The following PRKDC variants were observed in gnomAD, a reference collection of about 807,000 sequenced individuals.
The protein encoded by PRKDC is protein kinase, DNA-activated, catalytic subunit.
A neutral mutation model predicts 486.9 loss-of-function variants in PRKDC; 82 were observed. The ratio of observed to expected loss-of-function variants is 0.17; its 90% CI spans 0.14 to 0.20. The LOEUF (loss-of-function observed/expected upper bound fraction) is 0.20, where lower values mean the gene tolerates loss of function less well. Ranked by LOEUF, PRKDC falls within the 10% of genes least tolerant of loss-of-function variation. PRKDC has a pLI of 1.00. For synonymous variants in PRKDC, 1,895 were observed against 1,837.0 expected (o/e 1.03, Z -0.81); for missense variants, 4,504 against 5,038.2 (o/e 0.89, Z 3.21).
chr8:47,843,053 T>C (rs2154499978), intron 54 of PRKDC, among the ~76,000 whole-genome samples: 1 of 152,186 alleles, frequency 6.6e-6, no homozygotes, highest in South Asian at 2.1e-4. Context: ...TGGTCCCAGC[T>C]CCTCAGGAGA....
At chr8:47,889,388 AGTCTCT>A (rs1156569378) in intron 32 of PRKDC, among the ~76,000 whole-genome samples, 166 bp from the exon 33 acceptor site, 2 of 152,258 alleles carry the variant, frequency 1.3e-5, no homozygotes, top group African/African-American at 4.8e-5. Context: ...TGGGCTAGAC[AGTCTCT>A]GCTTCAACTC....
At chr8:47,832,575 T>C (rs2087911368) in intron 59 of PRKDC, among the ~76,000 whole-genome samples, 1 of 152,030 alleles carries the variant, frequency 6.6e-6, no homozygotes, top group African/African-American at 2.4e-5. Flanking sequence ...CTGAAACGTG[T>C]CATAACTTAA....
In PRKDC at chr8:47,887,801, T is replaced by C. The variant is rs1391204215; in HGVS notation, c.4414-96A>G. On this transcript the variant is annotated intron_variant, in intron 34 of 85. Transcript: ENST00000314191. The stretch of plus-strand genomic sequence containing the variant: ...CATTAAATAAAAAACCCACTTCAGA[T>C]AGCACTGACAACTACCTTCCAATAT... 7.0e-6 allele frequency: 9 copies of C among 1,291,452 alleles called. No individual in the cohort carries two copies. The East Asian group carries it at 2.3e-4, about 33-fold the overall frequency. The allele number at this position is 1,291,452 out of a possible 1,614,324, so 80.0% of individuals were successfully genotyped here.
chr8:47,773,496 TA>T lies in PRKDC; in HGVS notation c.*676del, dbSNP rs2086555602. The T allele has an allele frequency of 4.5e-6, 1 of 220,050 alleles. No homozygotes were observed. Among genetic ancestry groups the T allele is most frequent in the Non-Finnish European group, 9.1e-6 (1 of 109,876 alleles). 13.6% of individuals were successfully genotyped at this position (220,050 alleles called of 1,614,324 possible). ...TGTATCTTCCAGTTGTAGATTGGAATAGCAAAAGTGAATGCTATGACCAAAA... is the reference window on the plus strand; with the variant it reads ...TGTATCTTCCAGTTGTAGATTGGAATGCAAAAGTGAATGCTATGACCAAAA... On this transcript the variant is annotated 3_prime_UTR_variant, in exon 86 of 86. Coordinates refer to ENST00000314191, the MANE Select transcript of PRKDC (RefSeq NM_006904.7).
At chr8:47,805,501 T>C (rs2087199463) in intron 69 of PRKDC, among the ~76,000 whole-genome samples, 4 of 152,212 alleles carry the variant, frequency 2.6e-5, no homozygotes, top group Admixed American at 2.6e-4. Context: ...TGTTGTTCAG[T>C]TGTGAAGCAT....
intron 57 of PRKDC, 119 bp downstream of exon 57, chr8:47,837,093 C>G: frequency 8.7e-7 from 1 of 1,154,278 alleles, no homozygotes; most frequent in Non-Finnish European, 1.2e-6. Context: ...CCTTCCCTTT[C>G]CTTTTCAGAA....
At chr8:47,931,432 A>T (rs1357790901) in intron 16 of PRKDC, among the ~76,000 whole-genome samples, 1 of 152,124 alleles carries the variant, frequency 6.6e-6, no homozygotes, top group Non-Finnish European at 1.5e-5. Flanking sequence ...GACAGCAATG[A>T]ACACACATGT....
chr8:47,959,134 T>G (rs189349403), intron 1 of PRKDC: 23 of 152,258 alleles, frequency 1.5e-4, no homozygotes, highest in Admixed American at 1.0e-3. Flanking sequence ...GGGCACAACA[T>G]CAAGGTCTGC....
At chr8:47,775,053 A>G (rs1251516902) in intron 85 of PRKDC, among the ~76,000 whole-genome samples, 10 of 152,066 alleles carry the variant, frequency 6.6e-5, no homozygotes, top group Non-Finnish European at 1.5e-4. Flanking sequence ...CAGGCGTGGT[A>G]GCATGAACCT....
Position 47,904,872 on chromosome 8 carries a change from T to C in PRKDC, c.3039A>G (p.Ile1013Met). 6.3e-7 allele frequency: 1 copy of C among 1,581,260 alleles called. No homozygotes were observed. Among genetic ancestry groups the C allele is most frequent in the Non-Finnish European group, 8.7e-7 (1 of 1,151,796 alleles). ...AAAAGAATCAACTATTACTTACCAATATAGCTTCTAGTAAGGCAACAGTAT... is the reference window on the plus strand; with the variant it reads ...AAAAGAATCAACTATTACTTACCAACATAGCTTCTAGTAAGGCAACAGTAT... ...SQDTVALLEAILDGIVDPVDS... is the reference protein window; with the variant it reads ...SQDTVALLEAMLDGIVDPVDS... The change falls in exon 26 of 86, where the codon ATA becomes ATG. Residue 1013 changes from isoleucine (I) to methionine (M), a missense_variant. Coordinates refer to ENST00000314191, the MANE Select transcript of PRKDC (RefSeq NM_006904.7).
chr8:47,868,777 TAAGA>T (rs1563775944), intron 40 of PRKDC, among the ~76,000 whole-genome samples: 1 of 152,074 alleles, frequency 6.6e-6, no homozygotes, highest in Non-Finnish European at 1.5e-5. Context: ...CTGAAGAAAC[TAAGA>T]AAGATAGTCT....
chr8:47,850,623 A>G (rs2088381553), intron 52 of PRKDC, among the ~76,000 whole-genome samples: 1 of 152,214 alleles, frequency 6.6e-6, no homozygotes, highest in African/African-American at 2.4e-5. Flanking sequence ...GTATTACCCT[A>G]CCAATTAATC....
intron 38 of PRKDC, among the ~76,000 whole-genome samples, chr8:47,880,406 C>T (rs1046688693): frequency 6.6e-6 from 1 of 152,178 alleles, no homozygotes; most frequent in Non-Finnish European, 1.5e-5. Flanking sequence ...TCCTGTTCTC[C>T]CTCGCATGGC....
intron 21 of PRKDC, among the ~76,000 whole-genome samples, chr8:47,920,321 T>G (rs1345096869): frequency 6.6e-6 from 1 of 152,212 alleles, no homozygotes; most frequent in African/African-American, 2.4e-5. Flanking sequence ...TCCTGGTTTT[T>G]GGCTCAAATT....
chr8:47,830,079 A>C (rs1402460210), intron 61 of PRKDC, among the ~76,000 whole-genome samples: 1 of 152,276 alleles, frequency 6.6e-6, no homozygotes, highest in Non-Finnish European at 1.5e-5. Context: ...AAAAACAGAC[A>C]CACAGACCAA....
chr8:47,890,133 A>G, intron 32 of PRKDC, 124 bp downstream of exon 32: 1 of 319,750 alleles, frequency 3.1e-6, no homozygotes, highest in Non-Finnish European at 4.7e-6. Context: ...ATGAAATATA[A>G]TAATAATAAT....
intron 21 of PRKDC, among the ~76,000 whole-genome samples, chr8:47,918,615 C>T (rs1384063566): frequency 6.6e-6 from 1 of 152,180 alleles, no homozygotes; most frequent in Non-Finnish European, 1.5e-5. Flanking sequence ...TCGAGAAGAG[C>T]ATGAATCATC....
intron 23 of PRKDC, among the ~76,000 whole-genome samples, 154 bp downstream of exon 23, chr8:47,915,173 CA>C (rs1434733349): frequency 6.6e-6 from 1 of 152,082 alleles, no homozygotes; most frequent in Admixed American, 6.5e-5. Flanking sequence ...CGGATACAGT[CA>C]AACCATTAGG....
intron 13 of PRKDC, 43 bp downstream of exon 13, chr8:47,935,689 A>T: frequency 6.3e-7 from 1 of 1,578,212 alleles, no homozygotes; most frequent in Non-Finnish European, 8.7e-7. Flanking sequence ...TAATGTGTTA[A>T]TTATCCATCA....
Sources: allele counts gnomAD v4.1 joint callset (sites outside exome capture counted in the v4.1 genomes callset), GRCh38; gene constraint gnomAD v4.1.1; transcripts MANE v1.5; gene names NCBI Gene and HGNC (gene_info 2026-07-23, HGNC 2026-07-21).